Variants in MAPK4 observed in about 807,000 individuals in gnomAD.
The protein encoded by MAPK4 is mitogen-activated protein kinase 4.
Under a neutral mutation model 47.7 loss-of-function variants are expected in MAPK4, and 22 were observed. The observed-to-expected ratio is 0.46, with a 90% CI of 0.33 to 0.66. MAPK4 has a LOEUF of 0.66. Among genes scored for constraint, MAPK4 ranks in the 30% least tolerant of loss-of-function variants. The pLI is 0.02. For missense variants in MAPK4, 736 were observed against 831.7 expected, an observed-to-expected ratio of 0.88 and a Z score of 1.42; for synonymous variants, 390 against 365.7, an observed-to-expected ratio of 1.07 and a Z score of -0.76.
chr18:50,645,618 G>T (rs764586013), intron 1 of MAPK4, among the ~76,000 whole-genome samples: 12 of 152,190 alleles, frequency 7.9e-5, no homozygotes, highest in Non-Finnish European at 1.8e-4. Flanking sequence ...CAGAGCCGGA[G>T]AAGGGCAGTC....
intron 1 of MAPK4, among the ~76,000 whole-genome samples, chr18:50,652,563 C>T (rs1449708907): frequency 6.6e-6 from 1 of 151,998 alleles, no homozygotes; most frequent in Non-Finnish European, 1.5e-5. Flanking sequence ...AGAAAGAAGT[C>T]AGTATTAGAA....
At chr18:50,653,367 A>C (rs1288362345) in intron 1 of MAPK4, among the ~76,000 whole-genome samples, 1 of 152,140 alleles carries the variant, frequency 6.6e-6, no homozygotes, top group Non-Finnish European at 1.5e-5. Flanking sequence ...GTTCAGCGAG[A>C]CTGGAGATCA....
At chr18:50,568,399 A>G (rs1361886387) in intron 1 of MAPK4, among the ~76,000 whole-genome samples, 1 of 152,174 alleles carries the variant, frequency 6.6e-6, no homozygotes, top group Non-Finnish European at 1.5e-5. Flanking sequence ...AGCATTTGCT[A>G]AGTGCTTCTC....
chr18:50,712,464 G>GT (rs1003159901), intron 2 of MAPK4, among the ~76,000 whole-genome samples: 8 of 151,224 alleles, frequency 5.3e-5, no homozygotes, highest in Non-Finnish European at 1.0e-4. Flanking sequence ...TCCACTTTAT[G>GT]TTTTTTTAAA....
intron 3 of MAPK4, among the ~76,000 whole-genome samples, chr18:50,715,499 G>A (rs1479911265): frequency 1.3e-5 from 2 of 152,136 alleles, no homozygotes; most frequent in African/African-American, 4.8e-5. Flanking sequence ...ACATTCAAAG[G>A]TTGAAATCCT....
chr18:50,613,110 A>G (rs531465144), intron 1 of MAPK4, among the ~76,000 whole-genome samples: 1 of 152,290 alleles, frequency 6.6e-6, no homozygotes, highest in Admixed American at 6.5e-5. Flanking sequence ...TAACCCCTTT[A>G]TAGTAGCCCC....
chr18:50,720,246 C>T (rs182119365), intron 3 of MAPK4, among the ~76,000 whole-genome samples: 2 of 152,286 alleles, frequency 1.3e-5, no homozygotes, highest in East Asian at 3.9e-4. Context: ...CCATCAGCTT[C>T]TCTCAAAGCC....
chr18:50,618,706 T>G (rs906207610), intron 1 of MAPK4, among the ~76,000 whole-genome samples: 3 of 152,188 alleles, frequency 2.0e-5, no homozygotes, highest in Non-Finnish European at 4.4e-5. Flanking sequence ...TCTTTAGAAA[T>G]GTTAGAGACC....
chr18:50,593,612 C>T (rs935272939), intron 1 of MAPK4, among the ~76,000 whole-genome samples: 1 of 152,176 alleles, frequency 6.6e-6, no homozygotes, highest in Non-Finnish European at 1.5e-5. Flanking sequence ...GGAATTATTA[C>T]TGTTGTTGTT....
At chr18:50,673,760 G>T (rs577955099) in intron 2 of MAPK4, among the ~76,000 whole-genome samples, 101 of 152,210 alleles carry the variant, frequency 6.6e-4, no homozygotes, top group African/African-American at 2.3e-3. Flanking sequence ...GGAGGCTGAG[G>T]CAGGAGAATG....
At chr18:50,679,588 C>A (rs1908467040) in intron 2 of MAPK4, among the ~76,000 whole-genome samples, 1 of 152,084 alleles carries the variant, frequency 6.6e-6, no homozygotes. Context: ...TCATCTAAGG[C>A]CCCACTGCTA....
chr18:50,713,476 T>C (rs1425836213), intron 2 of MAPK4, among the ~76,000 whole-genome samples: 1 of 152,192 alleles, frequency 6.6e-6, no homozygotes, highest in African/African-American at 2.4e-5. Flanking sequence ...GTTCAGACCA[T>C]ATGAGATGTT....
chr18:50,728,812 G>A (rs1282562006), intron 5 of MAPK4, among the ~76,000 whole-genome samples: 5 of 152,182 alleles, frequency 3.3e-5, no homozygotes, highest in African/African-American at 1.2e-4. Context: ...GAGAAGCATT[G>A]CACAGGTGGA....
intron 3 of MAPK4, among the ~76,000 whole-genome samples, chr18:50,717,373 G>A (rs764197760): frequency 1.3e-5 from 2 of 152,162 alleles, no homozygotes; most frequent in Non-Finnish European, 1.5e-5. Flanking sequence ...TGTGGCCCAG[G>A]GGGAGCGTGT....
chr18:50,613,352 G>A (rs2042656698), intron 1 of MAPK4, among the ~76,000 whole-genome samples: 1 of 152,202 alleles, frequency 6.6e-6, no homozygotes, highest in Non-Finnish European at 1.5e-5. Context: ...TAAGACCTGA[G>A]TAGCCTCCAG....
At chr18:50,686,684 T>C (rs1187994210) in intron 2 of MAPK4, among the ~76,000 whole-genome samples, 1 of 152,236 alleles carries the variant, frequency 6.6e-6, no homozygotes, top group Non-Finnish European at 1.5e-5. Flanking sequence ...ACGTCTGCTA[T>C]GTGAAGTAAG....
At chr18:50,578,975 G>A (rs2042320716) in intron 1 of MAPK4, among the ~76,000 whole-genome samples, 1 of 152,200 alleles carries the variant, frequency 6.6e-6, no homozygotes, top group Non-Finnish European at 1.5e-5. Context: ...GAGAGAACAT[G>A]AGTAAGCCTC....
In MAPK4 at chr18:50,601,012, C is replaced by T. The variant is rs111678025; in HGVS notation, c.-871+40769C>T. On this transcript the variant is annotated intron_variant, in intron 1 of 5. Transcript: ENST00000400384. ...ATGGCTCACTCCTGTAATCCCAGCA[C>T]TTTGGAAGGCCGAGGTGGGCAGATC... is the stretch of plus-strand genomic sequence containing the variant. 3.7e-4 allele frequency among the ~76,000 whole-genome samples: 56 copies of T among 150,794 alleles called. 1 individual carries two copies. Among genetic ancestry groups the T allele is most frequent in the South Asian group, 2.1e-4 (1 of 4,798 alleles).
chr18:50,610,501 G>T (rs773210602), intron 1 of MAPK4, among the ~76,000 whole-genome samples: 4 of 152,220 alleles, frequency 2.6e-5, no homozygotes, highest in African/African-American at 4.8e-5. Context: ...TGGGTGAGCT[G>T]CAGGAGCAGC....
Sources: allele counts gnomAD v4.1 joint callset (sites outside exome capture counted in the v4.1 genomes callset), GRCh38; gene constraint gnomAD v4.1.1; transcripts MANE v1.5; gene names NCBI Gene and HGNC (gene_info 2026-07-23, HGNC 2026-07-21).